Variants in LMO1 observed in about 807,000 individuals in gnomAD.
LMO1 encodes LIM domain only 1, also known as rhombotin-1.
A neutral mutation model predicts 18.0 loss-of-function variants in LMO1; 10 were observed. The observed-to-expected ratio is 0.55, with a 90% CI of 0.34 to 0.94. LMO1 has a LOEUF of 0.94. LMO1 is among the 40% of genes least tolerant of loss of function. The probability of loss-of-function intolerance (pLI) is 0.02; values close to 1 mark genes in which losing one functional copy is unlikely to be tolerated. For synonymous variants in LMO1, 77 were observed against 77.9 expected (o/e 0.99, Z 0.06); for missense variants, 183 against 205.7 (o/e 0.89, Z 0.68).
intron 1 of LMO1, among the ~76,000 whole-genome samples, chr11:8,239,475 T>G (rs1347594789): frequency 6.6e-6 from 1 of 152,090 alleles, no homozygotes; most frequent in African/African-American, 2.4e-5. Context: ...CAGAGGGCCA[T>G]GTAGAAGCAG....
chr11:8,233,480 G>A (rs945280861), intron 1 of LMO1, among the ~76,000 whole-genome samples: 2 of 152,174 alleles, frequency 1.3e-5, no homozygotes, highest in Non-Finnish European at 2.9e-5. Context: ...GAAGAGCTCT[G>A]GGGGTCAAAC....
At chr11:8,226,876 C>T (rs1230979108) in intron 3 of LMO1, 99 bp downstream of exon 3, 21 of 1,466,274 alleles carry the variant, frequency 1.4e-5, no homozygotes, top group African/African-American at 2.8e-5. Flanking sequence ...ACACGCAACC[C>T]GCATTTGCGT....
intron 1 of LMO1, among the ~76,000 whole-genome samples, chr11:8,260,395 C>T (rs142602839): frequency 6.6e-6 from 1 of 152,126 alleles, no homozygotes; most frequent in South Asian, 2.1e-4. Context: ...GTAGAAAGCC[C>T]GGACCCTGAG....
chr11:8,246,616 G>A (rs1846898438), intron 1 of LMO1, among the ~76,000 whole-genome samples: 1 of 152,162 alleles, frequency 6.6e-6, no homozygotes, highest in Non-Finnish European at 1.5e-5. Flanking sequence ...GGTGATGACT[G>A]CATAACTCTG....
At chr11:8,266,135 G>A (rs774464092), upstream of LMO1, among the ~76,000 whole-genome samples, 1 of 152,214 alleles carries the variant, frequency 6.6e-6, no homozygotes, top group Non-Finnish European at 1.5e-5. Flanking sequence ...GACTGGTGCT[G>A]TGTGTGCCCA....
chr11:8,231,876 G>A lies in LMO1; in HGVS notation c.26-1372C>T, dbSNP rs533044351. 9.2e-5 allele frequency among the ~76,000 whole-genome samples: 14 copies of A among 152,202 alleles called. No homozygotes were observed. In the South Asian group the frequency reaches 1.9e-3, roughly 20 times the overall value. ...CCTTTTGCTTCTCTCCTCCTTGGGC[G>A]TTAGGGGAGAACAAGCCACAAGAGG... is the stretch of plus-strand genomic sequence containing the variant. On this transcript the variant is annotated intron_variant, in intron 1 of 3. Coordinates refer to ENST00000335790, the MANE Select transcript of LMO1 (RefSeq NM_002315.3).
Position 8,263,822 on chromosome 11 carries a change from T to C in LMO1, c.-460A>G. 9.4e-7 allele frequency: 1 copy of C among 1,059,264 alleles called. No homozygotes were observed. The highest frequency in any genetic ancestry group is 1.1e-6 in the Non-Finnish European group (1 of 876,196). 65.6% of individuals were successfully genotyped at this position (1,059,264 alleles called of 1,614,324 possible). A position where few individuals can be genotyped will look rare whatever the true frequency, so the allele number is the denominator to read the frequency against. On this transcript the variant is annotated 5_prime_UTR_variant, in exon 1 of 4. Coordinates refer to ENST00000335790, the MANE Select transcript of LMO1 (RefSeq NM_002315.3). ...TCTGAATCTCAATCTAAAATTATAT[T>C]CAAAGAGATGGGGGAATCTCGTGGC...
chr11:8,251,872 A>AGTGT (rs569548190), intron 1 of LMO1, among the ~76,000 whole-genome samples: 1 of 29,568 alleles, frequency 3.4e-5, no homozygotes, highest in Non-Finnish European at 8.3e-5. Flanking sequence ...AATGTGTGTG[A>AGTGT]GTGTGTGTGT....
At chr11:8,249,036 C>T (rs969738322) in intron 1 of LMO1, among the ~76,000 whole-genome samples, 3 of 152,232 alleles carry the variant, frequency 2.0e-5, no homozygotes, top group African/African-American at 7.2e-5. Context: ...TCTGGTCTAC[C>T]TTCCCTGGAG....
At chr11:8,256,839 T>G (rs1460215918) in intron 1 of LMO1, among the ~76,000 whole-genome samples, 3 of 152,052 alleles carry the variant, frequency 2.0e-5, no homozygotes. Context: ...ACCTGCATAG[T>G]TTAGTGTGAT....
At chr11:8,268,413 C>A (rs1250238043), upstream of LMO1, 6 of 1,468,206 alleles carry the variant, frequency 4.1e-6, no homozygotes, top group South Asian at 6.4e-5. Context: ...CGGCACCGGG[C>A]GCCGGGCACC....
intron 1 of LMO1, among the ~76,000 whole-genome samples, chr11:8,235,110 C>A (rs1952739595): frequency 6.6e-6 from 1 of 152,060 alleles, no homozygotes; most frequent in East Asian, 1.9e-4. Context: ...GTGCCCAGGG[C>A]ACAGTGAACA....
At chr11:8,240,439 C>T (rs1481580401) in intron 1 of LMO1, among the ~76,000 whole-genome samples, 2 of 152,212 alleles carry the variant, frequency 1.3e-5, no homozygotes, top group Non-Finnish European at 2.9e-5. Flanking sequence ...GCAACAGCAA[C>T]AGCCTAAGGG....
At chr11:8,252,008 ATGTG>A (rs1847010046) in intron 1 of LMO1, among the ~76,000 whole-genome samples, 1 of 147,764 alleles carries the variant, frequency 6.8e-6, no homozygotes, top group Non-Finnish European at 1.5e-5. Flanking sequence ...GTGTGTGTGA[ATGTG>A]TGTGAGTGTG....
intron 1 of LMO1, among the ~76,000 whole-genome samples, chr11:8,239,542 A>G (rs925907875): frequency 6.6e-6 from 1 of 152,060 alleles, no homozygotes; most frequent in Non-Finnish European, 1.5e-5. Context: ...GAGATGGCAC[A>G]CGTCCTCAGG....
intron 1 of LMO1, among the ~76,000 whole-genome samples, chr11:8,235,408 T>C (rs995583622): frequency 6.6e-6 from 1 of 152,232 alleles, no homozygotes; most frequent in African/African-American, 2.4e-5. Context: ...TACCCCCTAA[T>C]ACTTTCGGTT....
At chr11:8,242,757 A>G (rs528309857) in intron 1 of LMO1, among the ~76,000 whole-genome samples, 1 of 152,308 alleles carries the variant, frequency 6.6e-6, no homozygotes, top group South Asian at 2.1e-4. Context: ...CAGTCTCCAC[A>G]GAGGAGGAGG....
chr11:8,240,354 A>T (rs1846763075), intron 1 of LMO1, among the ~76,000 whole-genome samples: 1 of 152,194 alleles, frequency 6.6e-6, no homozygotes, highest in African/African-American at 2.4e-5. Context: ...ACTCACCATG[A>T]CATAAAGGGA....
In LMO1 at chr11:8,230,343, A is replaced by C; in HGVS notation, c.187T>G (p.Ser63Ala). 6.2e-7 allele frequency: 1 copy of C among 1,613,886 alleles called. No homozygotes were observed. ...CCDCRLGEVGSTLYTKANLIL... is the reference protein window; with the variant it reads ...CCDCRLGEVGATLYTKANLIL... ...AGGTTGGCCTTGGTGTAGAGGGTGGAGCCCACCTCGCCCAGGCGGCAGTCA... is the reference window on the plus strand; with the variant it reads ...AGGTTGGCCTTGGTGTAGAGGGTGGCGCCCACCTCGCCCAGGCGGCAGTCA... The change falls in exon 2 of 4, where the codon TCC becomes GCC. Residue 63 changes from serine to alanine, a missense_variant. Transcript: ENST00000335790.
Sources: allele counts gnomAD v4.1 joint callset (sites outside exome capture counted in the v4.1 genomes callset), GRCh38; gene constraint gnomAD v4.1.1; transcripts MANE v1.5; gene names NCBI Gene and HGNC (gene_info 2026-07-23, HGNC 2026-07-21).